DACH2: variants seen among roughly 807,000 people sequenced by gnomAD.
DACH2 encodes dachshund family transcription factor 2.
In DACH2, 17 loss-of-function variants were observed where a neutral mutation model predicts 35.8. The observed-to-expected ratio is 0.48, with a 90% CI of 0.33 to 0.71. DACH2 has a LOEUF of 0.71. Ranked by LOEUF, DACH2 falls within the 30% of genes least tolerant of loss-of-function variation. The probability of loss-of-function intolerance (pLI) is 0.02; values close to 1 mark genes in which losing one functional copy is unlikely to be tolerated. For missense variants in DACH2, 469 were observed against 472.7 expected, an observed-to-expected ratio of 0.99 and a Z score of 0.07; for synonymous variants, 195 against 177.3, an observed-to-expected ratio of 1.10 and a Z score of -0.79.
At chrX:86,211,527 T>C (rs1033809047) in intron 1 of DACH2, among the ~76,000 whole-genome samples, 1 of 111,361 alleles carries the variant, frequency 9.0e-6, no homozygotes, top group East Asian at 2.8e-4. Flanking sequence ...TATAGTTCTG[T>C]TGGTGACCAG....
intron 1 of DACH2, among the ~76,000 whole-genome samples, chrX:86,371,529 C>G (rs975494453): frequency 9.0e-6 from 1 of 110,699 alleles, no homozygotes; most frequent in Non-Finnish European, 1.9e-5. Flanking sequence ...TGGATGCCTC[C>G]TACAAACTTA....
rs752857111 is a variant in DACH2, at chrX:86,788,271, C to A, written c.1241-24585C>A. On this transcript the variant is annotated intron_variant, in intron 7 of 11. Coordinates refer to ENST00000373125, the MANE Select transcript of DACH2 (RefSeq NM_053281.3). Reference sequence around the variant, plus strand: ...CAGCTCCTGAGATCTCACTGGGAAGCTGCTGATCACCGGCTTCAGGTGTTT... The same window carrying A: ...CAGCTCCTGAGATCTCACTGGGAAGATGCTGATCACCGGCTTCAGGTGTTT... 4.5e-5 allele frequency among the ~76,000 whole-genome samples: 5 copies of A among 110,992 alleles called. No individual in the cohort carries two copies. In the East Asian group the frequency reaches 1.2e-3, roughly 26 times the overall value.
chrX:86,453,143 A>T (rs2037411789), intron 2 of DACH2, among the ~76,000 whole-genome samples: 1 of 111,665 alleles, frequency 9.0e-6, no homozygotes, highest in African/African-American at 3.2e-5. Flanking sequence ...GAATTCTTTA[A>T]TCTTGAGTTC....
intron 1 of DACH2, among the ~76,000 whole-genome samples, chrX:86,341,598 A>G (rs190728267): frequency 6.9e-4 from 78 of 112,235 alleles, no homozygotes; most frequent in African/African-American, 2.5e-3. Flanking sequence ...CTCTTTTTCT[A>G]AGGAATACAT....
chrX:86,490,388 T>G (rs7063792), intron 2 of DACH2, among the ~76,000 whole-genome samples: 13,500 of 111,074 alleles, frequency 0.12, 1,300 homozygotes, highest in African/African-American at 0.32. Flanking sequence ...CCACTACTGA[T>G]CCTTGTGCTG....
At chrX:86,660,631 T>C (rs1442015880) in intron 4 of DACH2, among the ~76,000 whole-genome samples, 1 of 111,772 alleles carries the variant, frequency 8.9e-6, no homozygotes, top group African/African-American at 3.2e-5. Context: ...TAAGAAGTAT[T>C]CCTTCATGAA....
chrX:86,168,648 C>T (rs989272859), intron 1 of DACH2, among the ~76,000 whole-genome samples: 1 of 105,362 alleles, frequency 9.5e-6, no homozygotes, highest in Admixed American at 1.0e-4. Flanking sequence ...CAGTTTTTTG[C>T]TTTTTATTTT....
intron 1 of DACH2, among the ~76,000 whole-genome samples, chrX:86,205,475 TCCTTCCCTCCTTCCC>T (rs2032277060): frequency 1.7e-4 from 8 of 46,734 alleles, no homozygotes; most frequent in African/African-American, 1.4e-3. Flanking sequence ...CCTCCTTCCC[TCCTTCCCTCCTTCCC>T]TCCTTCCTTC....
chrX:86,360,643 CTTT>C (rs2035724160), intron 1 of DACH2, among the ~76,000 whole-genome samples: 1 of 110,784 alleles, frequency 9.0e-6, no homozygotes, highest in Non-Finnish European at 1.9e-5. Flanking sequence ...ATGTACATTC[CTTT>C]TTGATTTAAA....
At chrX:86,652,665 T>G (rs1258949776) in intron 4 of DACH2, among the ~76,000 whole-genome samples, 1 of 112,168 alleles carries the variant, frequency 8.9e-6, no homozygotes, top group Non-Finnish European at 1.9e-5. Context: ...GGTATCTTAT[T>G]GTGGTTTTGA....
At chrX:86,667,300 AGG>A (rs1286168445) in intron 4 of DACH2, among the ~76,000 whole-genome samples, 53 of 65,800 alleles carry the variant, frequency 8.1e-4, no homozygotes, top group African/African-American at 3.0e-3. Flanking sequence ...GAAGGAAGGA[AGG>A]AAAGAAGGAA....
intron 2 of DACH2, among the ~76,000 whole-genome samples, chrX:86,409,478 CT>C (rs2036577147): frequency 9.0e-6 from 1 of 111,037 alleles, no homozygotes; most frequent in African/African-American, 3.3e-5. Flanking sequence ...TTCCTTGGTG[CT>C]GTCCTTGTGA....
At chrX:86,808,694 A>G (rs2042368236) in intron 7 of DACH2, among the ~76,000 whole-genome samples, 2 of 110,877 alleles carry the variant, frequency 1.8e-5, no homozygotes, top group Admixed American at 1.9e-4. Context: ...TAGGGAAAAG[A>G]TCTCAAATAA....
intron 5 of DACH2, 123 bp from the exon 6 acceptor site, chrX:86,714,425 G>T (rs987460133): frequency 6.4e-5 from 30 of 466,573 alleles, no homozygotes; most frequent in Non-Finnish European, 9.9e-5. Context: ...ATGGCACAAG[G>T]AGACACTAAG....
intron 1 of DACH2, among the ~76,000 whole-genome samples, chrX:86,294,457 T>C (rs1204988460): frequency 9.0e-6 from 1 of 111,060 alleles, no homozygotes; most frequent in African/African-American, 3.3e-5. Context: ...CTTTGTTCCG[T>C]TGCTGGTGAG....
At chrX:86,329,242 T>A (rs2035169260) in intron 1 of DACH2, among the ~76,000 whole-genome samples, 1 of 110,835 alleles carries the variant, frequency 9.0e-6, no homozygotes, top group Admixed American at 9.6e-5. Flanking sequence ...CGTAAAGAAG[T>A]CTTTAAGCTA....
intron 7 of DACH2, among the ~76,000 whole-genome samples, chrX:86,786,133 A>T (rs2147315955): frequency 9.0e-6 from 1 of 111,685 alleles, no homozygotes; most frequent in South Asian, 3.8e-4. Flanking sequence ...TATACTCTGA[A>T]GAAAGGTTGG....
chrX:86,694,279 G>T (rs1042516690), intron 4 of DACH2, among the ~76,000 whole-genome samples: 1 of 112,340 alleles, frequency 8.9e-6, no homozygotes, highest in African/African-American at 3.2e-5. Context: ...CCTGTTTAAA[G>T]TATTCTCTTG....
At chrX:86,281,304 G>A (rs1313174819) in intron 1 of DACH2, among the ~76,000 whole-genome samples, 2 of 111,183 alleles carry the variant, frequency 1.8e-5, no homozygotes, top group South Asian at 3.8e-4. Context: ...TATCCACCAC[G>A]ATCAAGTTGG....
Sources: allele counts gnomAD v4.1 joint callset (sites outside exome capture counted in the v4.1 genomes callset), GRCh38; gene constraint gnomAD v4.1.1; transcripts MANE v1.5; gene names NCBI Gene and HGNC (gene_info 2026-07-23, HGNC 2026-07-21).